PIK3R3: variants seen among roughly 807,000 people sequenced by gnomAD.
PIK3R3 encodes phosphoinositide-3-kinase regulatory subunit 3, also known as phosphatidylinositol 3-kinase regulatory subunit gamma.
A neutral mutation model predicts 62.9 loss-of-function variants in PIK3R3; 64 were observed. The ratio of observed to expected loss-of-function variants is 1.02; its 90% CI spans 0.83 to 1.25. The LOEUF is 1.25. Ranked by LOEUF, PIK3R3 falls within the 50% of genes most tolerant of loss-of-function variation. The probability of loss-of-function intolerance (pLI) is 0.00; values close to 1 mark genes in which losing one functional copy is unlikely to be tolerated. For synonymous variants in PIK3R3, 165 were observed against 189.0 expected (o/e 0.87, Z 1.04); for missense variants, 614 against 561.6 (o/e 1.09, Z -0.94).
the PIK3R3 span, among the ~76,000 whole-genome samples, chr1:46,138,433 G>A: frequency 2.0e-5 from 3 of 152,212 alleles, no homozygotes; most frequent in Non-Finnish European, 4.4e-5. Flanking sequence ...GCTGAGGCAG[G>A]AGGATCACTT....
chr1:46,078,482 C>A (rs1341856402), intron 2 of PIK3R3, among the ~76,000 whole-genome samples: 1 of 152,098 alleles, frequency 6.6e-6, no homozygotes, highest in Non-Finnish European at 1.5e-5. Context: ...GCGGAGGTTG[C>A]AGTGGGCTGA....
At position 46,041,833 on chromosome 1, in the gene PIK3R3, A is replaced by C. The variant is rs1400528582; in HGVS notation, c.*1840T>G. 4.7e-6 allele frequency: 1 copy of C among 212,606 alleles called. No individual in the cohort carries two copies. Among genetic ancestry groups the C allele is most frequent in the African/African-American group, 2.3e-5 (1 of 44,158 alleles). The allele number at this position is 212,606 out of a possible 1,614,324, so 13.2% of individuals were successfully genotyped here. On this transcript the variant is annotated 3_prime_UTR_variant, in exon 10 of 10. Transcript: ENST00000262741. ...ACTGCAGTGTAACCAAGAAAAAGCC[A>C]AAGAGAAGCACTTCCCTTTCTATCC...
At chr1:46,146,256 T>C in the PIK3R3 span, among the ~76,000 whole-genome samples, 1 of 152,312 alleles carries the variant, frequency 6.6e-6, no homozygotes, top group South Asian at 2.1e-4. Flanking sequence ...CCTCGTGAAC[T>C]CTAATGCTGA....
rs1455601117 is a variant in PIK3R3 at position 46,094,076 on chromosome 1, A to G, written c.107-13326T>C. ...AGAGTGAGACCCTGTCTCAAAAAAA[A>G]AAAAAGTGTCGAAGATGAACGATGT... On this transcript the variant is annotated intron_variant, in intron 1 of 9. Coordinates refer to ENST00000262741, the MANE Select transcript of PIK3R3 (RefSeq NM_003629.4). Among the ~76,000 whole-genome samples the G allele has an allele frequency of 6.6e-5, 10 of 152,046 alleles. 1 individual carries two copies. The highest frequency in any genetic ancestry group is 6.6e-4 in the Admixed American group (10 of 15,250).
intron 1 of PIK3R3, among the ~76,000 whole-genome samples, chr1:46,081,074 A>C (rs1360469834): frequency 6.6e-6 from 1 of 152,154 alleles, no homozygotes; most frequent in Non-Finnish European, 1.5e-5. Flanking sequence ...AATGTACAAC[A>C]TGAGGATTAT....
At chr1:46,153,884 G>A in the PIK3R3 span, among the ~76,000 whole-genome samples, 1 of 152,158 alleles carries the variant, frequency 6.6e-6, no homozygotes, top group African/African-American at 2.4e-5. Context: ...AGTACCATGA[G>A]GCAATAAAGA....
intron 3 of PIK3R3, among the ~76,000 whole-genome samples, chr1:46,074,117 C>T (rs1257258582): frequency 1.1e-4 from 17 of 149,144 alleles, no homozygotes; most frequent in South Asian, 2.1e-4. Context: ...GGTGAAACCC[C>T]GCCTCTACTA....
Position 46,043,516 on chromosome 1 carries a change from C to A in PIK3R3, c.*157G>T. The A allele has an allele frequency of 6.2e-6, 4 of 644,332 alleles. No individual in the cohort carries two copies. The highest frequency in any genetic ancestry group is 1.1e-5 in the Non-Finnish European group (4 of 367,190). The allele number at this position is 644,332 out of a possible 1,614,324, so 39.9% of individuals were successfully genotyped here. A position where few individuals can be genotyped will look rare whatever the true frequency, so the allele number is the denominator to read the frequency against. On this transcript the variant is annotated 3_prime_UTR_variant, in exon 10 of 10. Transcript: ENST00000262741. ...GAGAACCTCAGGCCTCTAATGCCCC[C>A]ATCCCGGCCGGCTGCTGCTCGGCCT...
the PIK3R3 span, among the ~76,000 whole-genome samples, chr1:46,139,525 T>C: frequency 6.6e-6 from 1 of 152,160 alleles, no homozygotes; most frequent in Non-Finnish European, 1.5e-5. Flanking sequence ...CAGGCTGGTC[T>C]TGAACTCCTG....
intron 1 of PIK3R3, among the ~76,000 whole-genome samples, chr1:46,114,808 T>TTTCA (rs1383294743): frequency 7.2e-6 from 1 of 137,984 alleles, no homozygotes; most frequent in African/African-American, 2.8e-5. Context: ...AGAGACAGAG[T>TTTCA]TTCACCATGT....
intron 1 of PIK3R3, among the ~76,000 whole-genome samples, chr1:46,083,035 C>T (rs1650749929): frequency 6.6e-6 from 1 of 152,166 alleles, no homozygotes; most frequent in Non-Finnish European, 1.5e-5. Flanking sequence ...GCCGAGATTG[C>T]ACCACTGCAC....
At chr1:46,051,699 T>C (rs1429129952) in intron 7 of PIK3R3, among the ~76,000 whole-genome samples, 1 of 152,180 alleles carries the variant, frequency 6.6e-6, no homozygotes, top group Non-Finnish European at 1.5e-5. Context: ...TTATTTTAAA[T>C]TTATGAATTT....
At chr1:46,126,130 T>C (rs908999361) in intron 1 of PIK3R3, among the ~76,000 whole-genome samples, 13 of 152,254 alleles carry the variant, frequency 8.5e-5, no homozygotes, top group African/African-American at 3.1e-4. Flanking sequence ...ATCACTAAGA[T>C]ACTATTGGCC....
intron 7 of PIK3R3, among the ~76,000 whole-genome samples, chr1:46,047,448 A>AAAAGAAAG (rs58791009): frequency 2.5e-4 from 36 of 141,816 alleles, no homozygotes; most frequent in Non-Finnish European, 3.5e-4. Flanking sequence ...AAAAAAAAAA[A>AAAAGAAAG]AAAGAAAGAA....
the PIK3R3 span, among the ~76,000 whole-genome samples, chr1:46,160,839 C>T: frequency 6.6e-6 from 1 of 152,134 alleles, no homozygotes; most frequent in Admixed American, 6.6e-5. Context: ...GTGGACTAGG[C>T]CCAGTTGGAA....
chr1:46,144,613 CA>C, the PIK3R3 span, among the ~76,000 whole-genome samples: 3 of 151,980 alleles, frequency 2.0e-5, no homozygotes, highest in Non-Finnish European at 4.4e-5. Flanking sequence ...ACTAAGAATA[CA>C]AAAGTTAACT....
intron 1 of PIK3R3, among the ~76,000 whole-genome samples, chr1:46,100,357 C>T (rs1652542186): frequency 6.6e-6 from 1 of 152,004 alleles, no homozygotes; most frequent in South Asian, 2.1e-4. Flanking sequence ...TATAAATAAC[C>T]AATTGTTCCA....
intron 1 of PIK3R3, among the ~76,000 whole-genome samples, chr1:46,095,628 C>T (rs371267679): frequency 2.0e-5 from 3 of 151,956 alleles, no homozygotes; most frequent in Admixed American, 6.6e-5. Context: ...ATGTAACAAA[C>T]GTGCACATCC....
chr1:46,130,057 C>T (rs748269289), intron 1 of PIK3R3, among the ~76,000 whole-genome samples: 1 of 152,146 alleles, frequency 6.6e-6, no homozygotes, highest in Non-Finnish European at 1.5e-5. Flanking sequence ...TTTTGGACAA[C>T]TCAACTCAAC....
Sources: gnomAD v4.1 joint callset for allele counts (sites outside exome capture counted in the v4.1 genomes callset) on GRCh38, gnomAD v4.1.1 for gene constraint, MANE v1.5 for transcripts, NCBI Gene and HGNC (gene_info 2026-07-23, HGNC 2026-07-21) for gene names.